Variants in ZNF667 observed in about 807,000 individuals in gnomAD.
ZNF667 encodes myocardial ischemic preconditioning upregulated 1 ortholog.
A neutral mutation model predicts 31.8 loss-of-function variants in ZNF667; 13 were observed. That is an observed-to-expected ratio of 0.41 (90% CI 0.27 to 0.65). The LOEUF is 0.65. Among genes scored for constraint, ZNF667 ranks in the 30% least tolerant of loss-of-function variants. The pLI, the probability that ZNF667 is intolerant of heterozygous loss-of-function variation, is 0.32. For missense variants in ZNF667, 642 were observed against 725.6 expected (o/e 0.88, Z 1.32); for synonymous variants, 228 against 247.1 (o/e 0.92, Z 0.73).
chr19:56,476,680 G>C (rs113193073), intron 1 of ZNF667, among the ~76,000 whole-genome samples: 1 of 152,268 alleles, frequency 6.6e-6, no homozygotes, highest in South Asian at 2.1e-4. Flanking sequence ...TCTTAGAGCT[G>C]CTAAGAATTC....
intron 6 of ZNF667, among the ~76,000 whole-genome samples, chr19:56,453,055 C>A (rs1299089992): frequency 6.6e-6 from 1 of 151,946 alleles, no homozygotes; most frequent in Non-Finnish European, 1.5e-5. Context: ...GCAACTGATA[C>A]TACAGATACT....
At chr19:56,456,637 T>A (rs1406319036) in intron 6 of ZNF667, among the ~76,000 whole-genome samples, 1 of 152,182 alleles carries the variant, frequency 6.6e-6, no homozygotes, top group African/African-American at 2.4e-5. Context: ...TTAATGCAGA[T>A]ACGCTGATGT....
rs149675653 is a variant in ZNF667, at chr19:56,470,289, T to C, written c.-60+1410A>G. Among the ~76,000 whole-genome samples the C allele has an allele frequency of 2.3e-3, 355 of 152,352 alleles. 10 individuals carry two copies. The highest frequency in any genetic ancestry group is 2.5e-3 in the East Asian group (13 of 5,184). ...GGGAAAAGGTCGCATTGACCGTCCTTAGCCCACATGCTCTATGCACGTGCT... is the reference window on the plus strand; with the variant it reads ...GGGAAAAGGTCGCATTGACCGTCCTCAGCCCACATGCTCTATGCACGTGCT... On this transcript the variant is annotated intron_variant, in intron 3 of 6. Coordinates refer to ENST00000504904, the MANE Select transcript of ZNF667 (RefSeq NM_001321356.2).
chr19:56,448,276 AG>A (rs1568839181), intron 6 of ZNF667, among the ~76,000 whole-genome samples: 1 of 152,128 alleles, frequency 6.6e-6, no homozygotes, highest in African/African-American at 2.4e-5. Context: ...GCACCCCCAG[AG>A]GAAGCATTTA....
chr19:56,454,794 C>T, intron 6 of ZNF667, among the ~76,000 whole-genome samples: 1 of 151,162 alleles, frequency 6.6e-6, no homozygotes, highest in Non-Finnish European at 1.5e-5. Flanking sequence ...ACCCCACAAA[C>T]ACAGGCAATG....
Position 56,462,414 on chromosome 19 carries a change from A to T in ZNF667, c.-44T>A. ...GGTCCACACTGAGAGATGGGCAGAG[A>T]GCTGGTAAGGCAGGGCTGTGGGGAG... On this transcript the variant is annotated 5_prime_UTR_variant, in exon 4 of 7. Transcript: ENST00000504904. 1.9e-6 allele frequency: 3 copies of T among 1,613,196 alleles called. No homozygotes were observed. The highest frequency in any genetic ancestry group is 2.5e-6 in the Non-Finnish European group (3 of 1,179,134).
At chr19:56,461,075 C>T (rs2147781050) in intron 4 of ZNF667, among the ~76,000 whole-genome samples, 1 of 152,332 alleles carries the variant, frequency 6.6e-6, no homozygotes, top group Non-Finnish European at 1.5e-5. Flanking sequence ...AAAGTCAAAG[C>T]ATTCTTCTAA....
At chr19:56,452,550 C>T (rs1174036492) in intron 6 of ZNF667, among the ~76,000 whole-genome samples, 2 of 151,972 alleles carry the variant, frequency 1.3e-5, no homozygotes, top group South Asian at 2.1e-4. Flanking sequence ...AAACCAAGAG[C>T]AAACCAAACC....
chr19:56,455,941 G>A (rs1456929534), intron 6 of ZNF667, among the ~76,000 whole-genome samples: 4 of 152,044 alleles, frequency 2.6e-5, no homozygotes, highest in Admixed American at 1.3e-4. Flanking sequence ...ATTTAAAAAG[G>A]TGAACTGCCA....
rs541014638 is a variant in ZNF667, at chr19:56,461,796, C to T, written c.33+542G>A. On this transcript the variant is annotated intron_variant, in intron 4 of 6. Transcript: ENST00000504904. ...GGAGCATGCTGACCACAGGAGGCTA[C>T]GCATACAACCTCACTGCCTGCACCA... is the stretch of plus-strand genomic sequence containing the variant. 9.8e-5 allele frequency among the ~76,000 whole-genome samples: 15 copies of T among 152,332 alleles called. No individual in the cohort carries two copies. In the South Asian group the frequency reaches 1.7e-3, roughly 17 times the overall value.
intron 3 of ZNF667, among the ~76,000 whole-genome samples, chr19:56,469,576 AG>A (rs1460679222): frequency 1.3e-5 from 2 of 152,302 alleles, no homozygotes; most frequent in Non-Finnish European, 2.9e-5. Context: ...GGGCTGCCAC[AG>A]CCCCACCTCA....
chr19:56,463,840 A>T (rs1397418971), intron 3 of ZNF667, among the ~76,000 whole-genome samples: 1 of 152,120 alleles, frequency 6.6e-6, no homozygotes, highest in African/African-American at 2.4e-5. Flanking sequence ...ACTCATTTTC[A>T]CTCCAATCTA....
At chr19:56,472,640 A>C (rs920779621) in intron 2 of ZNF667, 5 of 152,094 alleles carry the variant, frequency 3.3e-5, no homozygotes, top group African/African-American at 9.7e-5. Flanking sequence ...AACAGTAAAT[A>C]TATTTTCCTT....
chr19:56,456,546 A>G (rs2042934853), intron 6 of ZNF667, among the ~76,000 whole-genome samples: 1 of 152,188 alleles, frequency 6.6e-6, no homozygotes, highest in Non-Finnish European at 1.5e-5. Flanking sequence ...TGGTGATATG[A>G]CAATTCTTCT....
intron 6 of ZNF667, chr19:56,449,195 T>C (rs2042768008): frequency 2.6e-6 from 1 of 378,802 alleles, no homozygotes; most frequent in Non-Finnish European, 5.2e-6. Context: ...GAAGGACTAG[T>C]ACAAACAAGC....
chr19:56,440,457 G>T lies in ZNF667; in HGVS notation c.*705C>A. 2.7e-6 allele frequency: 1 copy of T among 366,234 alleles called. No individual in the cohort carries two copies. Among genetic ancestry groups the T allele is most frequent in the Non-Finnish European group, 3.8e-6 (1 of 263,946 alleles). 22.7% of individuals were successfully genotyped at this position (366,234 alleles called of 1,614,324 possible). A position where few individuals can be genotyped will look rare whatever the true frequency, so the allele number is the denominator to read the frequency against. On this transcript the variant is annotated 3_prime_UTR_variant, in exon 7 of 7. Transcript: ENST00000504904. ...CCCACAAGTTTGTCAGCTGAAAGTG[G>T]CACCCTGTTTTGCCGAGAAGTTCCT...
intron 6 of ZNF667, among the ~76,000 whole-genome samples, chr19:56,450,847 G>A (rs917467880): frequency 6.6e-6 from 1 of 151,968 alleles, no homozygotes; most frequent in African/African-American, 2.4e-5. Flanking sequence ...GCCTCATGCT[G>A]ACCTCAAATA....
chr19:56,449,474 G>T, intron 6 of ZNF667: 1 of 263,036 alleles, frequency 3.8e-6, no homozygotes, highest in Non-Finnish European at 7.7e-6. Context: ...GAGTTCAGGA[G>T]TTCGAGACCA....
At chr19:56,460,355 C>T (rs1355622738) in intron 5 of ZNF667, among the ~76,000 whole-genome samples, 7 of 152,092 alleles carry the variant, frequency 4.6e-5, no homozygotes, top group African/African-American at 1.7e-4. Flanking sequence ...CAGGCACAAC[C>T]AGAGAGATAG....
Sources: allele counts gnomAD v4.1 joint callset (sites outside exome capture counted in the v4.1 genomes callset), GRCh38; gene constraint gnomAD v4.1.1; transcripts MANE v1.5; gene names NCBI Gene and HGNC (gene_info 2026-07-23, HGNC 2026-07-21).